The following SAMD12 variants were observed in gnomAD, a reference collection of about 807,000 sequenced individuals.
SAMD12 encodes sterile alpha motif domain containing 12.
SAMD12 carries 9 observed loss-of-function variants against 15.0 expected under a neutral mutation model. The ratio of observed to expected loss-of-function variants is 0.60; its 90% CI spans 0.36 to 1.05. The LOEUF is 1.05. SAMD12 is among the 50% of genes least tolerant of loss of function. The pLI, the probability that SAMD12 is intolerant of heterozygous loss-of-function variation, is 0.01. For synonymous variants in SAMD12, 86 were observed against 90.1 expected, an observed-to-expected ratio of 0.96 and a Z score of 0.25; for missense variants, 230 against 234.2, an observed-to-expected ratio of 0.98 and a Z score of 0.12.
chr8:118,312,507 TTA>T (rs1815681369), intron 4 of SAMD12, among the ~76,000 whole-genome samples: 1 of 152,180 alleles, frequency 6.6e-6, no homozygotes, highest in South Asian at 2.1e-4. Context: ...GTCTAAACTC[TTA>T]TAGTCTTTAC....
At position 118,199,897 on chromosome 8, in the gene SAMD12, T is replaced by C. The variant is rs1313123989; in HGVS notation, c.434-2165A>G. 2.6e-5 allele frequency among the ~76,000 whole-genome samples: 4 copies of C among 152,190 alleles called. No individual in the cohort carries two copies. The South Asian group carries it at 6.2e-4, about 24-fold the overall frequency. ...GGATCAAAGCTATATCCAAATGATA[T>C]GGTTTGGCTGTGTCCCCACCCAAAT... On this transcript the variant is annotated intron_variant, in intron 4 of 4. Coordinates refer to the SAMD12 transcript ENST00000409003.
intron 4 of SAMD12, among the ~76,000 whole-genome samples, chr8:118,257,577 C>A (rs529096782): frequency 2.6e-5 from 4 of 152,148 alleles, no homozygotes; most frequent in African/African-American, 9.7e-5. Flanking sequence ...GTACAAGTTA[C>A]AGCATCCCTG....
chr8:118,162,028 C>T, the SAMD12 span, among the ~76,000 whole-genome samples: 22 of 151,406 alleles, frequency 1.5e-4, no homozygotes, highest in East Asian at 3.9e-4. Context: ...GGCATGGTGG[C>T]GCATGCCTGT....
chr8:118,267,464 GGGGTACATC>G (rs1813231674), intron 4 of SAMD12, among the ~76,000 whole-genome samples: 1 of 152,098 alleles, frequency 6.6e-6, no homozygotes, highest in Non-Finnish European at 1.5e-5. Flanking sequence ...TTCCCAAGCT[GGGGTACATC>G]ATTTCATCAG....
intron 2 of SAMD12, among the ~76,000 whole-genome samples, chr8:118,537,695 C>G (rs559880464): frequency 1.1e-4 from 17 of 152,190 alleles, no homozygotes; most frequent in African/African-American, 4.1e-4. Flanking sequence ...CTGTGTTATC[C>G]TGTATATGGC....
intron 3 of SAMD12, among the ~76,000 whole-genome samples, chr8:118,427,944 G>T (rs1313861773): frequency 1.3e-5 from 2 of 152,092 alleles, no homozygotes; most frequent in Non-Finnish European, 2.9e-5. Flanking sequence ...ACTGGGTATG[G>T]CTTGGTATGG....
chr8:118,158,668 C>G, the SAMD12 span, among the ~76,000 whole-genome samples: 1 of 152,332 alleles, frequency 6.6e-6, no homozygotes, highest in East Asian at 1.9e-4. Flanking sequence ...TTCTGTGGAC[C>G]AGAGTGAGAA....
chr8:118,289,107 C>T (rs1403799710), intron 4 of SAMD12, among the ~76,000 whole-genome samples: 3 of 152,144 alleles, frequency 2.0e-5, no homozygotes, highest in Admixed American at 1.3e-4. Context: ...TTCTTTTCTT[C>T]CCATAGTTAA....
At chr8:118,236,127 T>G (rs1179440810) in intron 4 of SAMD12, among the ~76,000 whole-genome samples, 2 of 152,222 alleles carry the variant, frequency 1.3e-5, no homozygotes, top group Non-Finnish European at 2.9e-5. Flanking sequence ...AGCTCTGGCT[T>G]GTGACTACTT....
intron 4 of SAMD12, among the ~76,000 whole-genome samples, chr8:118,357,875 G>C (rs372793083): frequency 2.0e-5 from 3 of 152,124 alleles, no homozygotes; most frequent in East Asian, 3.9e-4. Context: ...GCCAGGCACA[G>C]TGGCTCACAC....
intron 2 of SAMD12, among the ~76,000 whole-genome samples, chr8:118,555,766 A>C (rs1826512630): frequency 6.6e-6 from 1 of 152,246 alleles, no homozygotes; most frequent in Non-Finnish European, 1.5e-5. Flanking sequence ...TTATCATTAC[A>C]CTTCCTGAAT....
intron 4 of SAMD12, among the ~76,000 whole-genome samples, chr8:118,344,364 C>A (rs1817523957): frequency 6.6e-6 from 1 of 152,206 alleles, no homozygotes; most frequent in Non-Finnish European, 1.5e-5. Flanking sequence ...ATTACAGCTA[C>A]CTTCTCCTTA....
chr8:118,570,171 A>G (rs1156324911), intron 2 of SAMD12, among the ~76,000 whole-genome samples: 1 of 152,190 alleles, frequency 6.6e-6, no homozygotes, highest in South Asian at 2.1e-4. Flanking sequence ...GGCCAACGCT[A>G]GAGGGTAGCA....
intron 2 of SAMD12, among the ~76,000 whole-genome samples, chr8:118,467,985 G>A (rs1299991281): frequency 6.6e-6 from 1 of 152,126 alleles, no homozygotes; most frequent in African/African-American, 2.4e-5. Context: ...CCATCCAATG[G>A]GAGATTGAAA....
chr8:118,576,124 C>T (rs1431355770), intron 2 of SAMD12, among the ~76,000 whole-genome samples: 1 of 152,094 alleles, frequency 6.6e-6, no homozygotes, highest in Non-Finnish European at 1.5e-5. Flanking sequence ...CCACAGATTA[C>T]AGCAGCACTG....
At chr8:118,153,000 A>T in the SAMD12 span, among the ~76,000 whole-genome samples, 111,827 of 152,146 alleles carry the variant, frequency 0.73, 42,541 homozygotes, top group Non-Finnish European at 0.84. Flanking sequence ...TTTGATAAGC[A>T]GTGGGCTATG....
exon 5 of SAMD12, chr8:118,191,432 G>A (rs1255391419): frequency 6.6e-6 from 1 of 151,860 alleles, no homozygotes; most frequent in African/African-American, 2.4e-5. Flanking sequence ...TCCCTTTCTG[G>A]TGATCTGAGG....
At chr8:118,363,944 G>A (rs1205328377) in intron 4 of SAMD12, among the ~76,000 whole-genome samples, 3 of 152,190 alleles carry the variant, frequency 2.0e-5, no homozygotes, top group Non-Finnish European at 4.4e-5. Flanking sequence ...ATTAGCTCCA[G>A]ACTTCCACTG....
At chr8:118,585,193 A>G (rs549931795) in intron 1 of SAMD12, among the ~76,000 whole-genome samples, 1 of 152,382 alleles carries the variant, frequency 6.6e-6, no homozygotes, top group African/African-American at 2.4e-5. Context: ...AATATGCCAG[A>G]CAAAAATGGA....
Sources: allele counts gnomAD v4.1 joint callset (sites outside exome capture counted in the v4.1 genomes callset), GRCh38; gene constraint gnomAD v4.1.1; transcripts MANE v1.5; gene names NCBI Gene and HGNC (gene_info 2026-07-23, HGNC 2026-07-21).